The following ADAM9 variants were observed in gnomAD, a reference collection of about 807,000 sequenced individuals.
The protein encoded by ADAM9 is disintegrin and metalloproteinase domain-containing protein 9.
Under a neutral mutation model 108.1 loss-of-function variants are expected in ADAM9, and 54 were observed. That is an observed-to-expected ratio of 0.50 (90% CI 0.40 to 0.63). The LOEUF (loss-of-function observed/expected upper bound fraction) is 0.63, where lower values mean the gene tolerates loss of function less well. Among genes scored for constraint, ADAM9 ranks in the 20% least tolerant of loss-of-function variants. The probability of loss-of-function intolerance (pLI) is 0.00; values close to 1 mark genes in which losing one functional copy is unlikely to be tolerated. For synonymous variants in ADAM9, 316 were observed against 336.0 expected, an observed-to-expected ratio of 0.94 and a Z score of 0.65; for missense variants, 830 against 997.7, an observed-to-expected ratio of 0.83 and a Z score of 2.26.
At chr8:39,081,752 T>C (rs1384363786) in intron 16 of ADAM9, among the ~76,000 whole-genome samples, 2 of 152,218 alleles carry the variant, frequency 1.3e-5, no homozygotes, top group African/African-American at 4.8e-5. Context: ...TGTAGGTTTG[T>C]TCTCTAATTG....
chr8:39,036,228 C>T (rs1457160154), intron 11 of ADAM9, among the ~76,000 whole-genome samples: 1 of 152,130 alleles, frequency 6.6e-6, no homozygotes, highest in Non-Finnish European at 1.5e-5. Context: ...GTGAGTTGCT[C>T]TTCCTGGGAG....
chr8:39,044,514 T>C (rs774357252), intron 12 of ADAM9, among the ~76,000 whole-genome samples: 3 of 152,304 alleles, frequency 2.0e-5, no homozygotes, highest in South Asian at 4.1e-4. Flanking sequence ...TATTGTATCC[T>C]GGTGGGGATT....
chr8:39,105,211 T>G lies in ADAM9; in HGVS notation c.*1511T>G. ...AAATTTCAGTTTTCTGAAGACAGCA[T>G]GTTATTTTAACAATCAAGTATACAT... On this transcript the variant is annotated 3_prime_UTR_variant, in exon 22 of 22. Coordinates refer to ENST00000487273, the MANE Select transcript of ADAM9 (RefSeq NM_003816.3). 1 of 442,348 alleles carries G rather than the reference T, an allele frequency of 2.3e-6. No homozygotes were observed. Among genetic ancestry groups the G allele is most frequent in the Non-Finnish European group, 4.5e-6 (1 of 223,376 alleles). The allele number at this position is 442,348 out of a possible 1,614,324, so 27.4% of individuals were successfully genotyped here. A position where few individuals can be genotyped will look rare whatever the true frequency, so the allele number is the denominator to read the frequency against.
chr8:39,022,093 TGTGTGA>T (rs1457102107), intron 8 of ADAM9, among the ~76,000 whole-genome samples: 29 of 150,476 alleles, frequency 1.9e-4, no homozygotes, highest in African/African-American at 7.0e-4. Flanking sequence ...TGTGTGTGTG[TGTGTGA>T]GAGAGAGAGA....
At chr8:39,009,754 C>T (rs1418235789) in intron 2 of ADAM9, among the ~76,000 whole-genome samples, 2 of 152,048 alleles carry the variant, frequency 1.3e-5, no homozygotes, top group African/African-American at 2.4e-5. Context: ...GTAATTAACT[C>T]GTTAAAAAGT....
intron 14 of ADAM9, among the ~76,000 whole-genome samples, chr8:39,057,263 T>G (rs962185562): frequency 1.3e-5 from 2 of 151,682 alleles, no homozygotes; most frequent in Admixed American, 6.6e-5. Context: ...ATCATATCCC[T>G]GTTGTTAAGT....
chr8:39,024,469 C>T (rs1836857737), intron 9 of ADAM9, among the ~76,000 whole-genome samples: 1 of 152,084 alleles, frequency 6.6e-6, no homozygotes, highest in Non-Finnish European at 1.5e-5. Context: ...TGTTTGTTTA[C>T]AGTTGAGAAT....
chr8:39,069,839 CTG>C (rs1281379354), intron 14 of ADAM9, among the ~76,000 whole-genome samples: 9 of 152,180 alleles, frequency 5.9e-5, no homozygotes, highest in Non-Finnish European at 1.2e-4. Flanking sequence ...GGATAAGTAA[CTG>C]TTGAAAATTT....
In ADAM9 at chr8:39,071,306, G is replaced by T; in HGVS notation, c.1600G>T (p.Ala534Ser). Residue 534 changes from alanine (A) to serine (S), a missense_variant, in exon 15 of 22, where the codon GCT becomes TCT. This residue lies in a region of ADAM9 where 381 missense variants were observed against 539.8 expected (regional missense o/e 0.71). Coordinates refer to ENST00000487273, the MANE Select transcript of ADAM9 (RefSeq NM_003816.3). ...AATGTTTAATGTTACAGAAGCCAAG[G>T]CTGCCCCCAAAGATTGTTTCATTGA... ...CQVIFGSKAK[A>S]APKDCFIEVN... 6.2e-7 allele frequency: 1 copy of T among 1,613,884 alleles called. No homozygotes were observed. The highest frequency in any genetic ancestry group is 8.5e-7 in the Non-Finnish European group (1 of 1,179,956).
chr8:39,065,620 A>G lies in ADAM9; in HGVS notation c.1592-5678A>G, dbSNP rs141063101. Among the ~76,000 whole-genome samples, 1,292 of 132,562 alleles carry G rather than the reference A, an allele frequency of 9.7e-3. 14 individuals carry two copies. Among genetic ancestry groups the G allele is most frequent in the African/African-American group, 0.034 (1,222 of 35,574 alleles). 87.0% of individuals were successfully genotyped at this position (132,562 alleles called of 152,430 possible). A position where few individuals can be genotyped will look rare whatever the true frequency, so the allele number is the denominator to read the frequency against. ...GCTTGCAGTGAGCCGAGATCGCACCATTGCACTCGAGTCTGGGCGACAGTG... is the reference window on the plus strand; with the variant it reads ...GCTTGCAGTGAGCCGAGATCGCACCGTTGCACTCGAGTCTGGGCGACAGTG... On this transcript the variant is annotated intron_variant, in intron 14 of 21. Coordinates refer to ENST00000487273, the MANE Select transcript of ADAM9 (RefSeq NM_003816.3).
At position 39,054,465 on chromosome 8, in the gene ADAM9, C is replaced by A. The variant is rs1389692994; in HGVS notation, c.1303-16C>A. 2 of 1,604,696 alleles carry A rather than the reference C, an allele frequency of 1.2e-6. No individual in the cohort carries two copies. The highest frequency in any genetic ancestry group is 1.1e-5 in the South Asian group (1 of 90,876). The stretch of plus-strand genomic sequence containing the variant: ...AATTACTAATTTCTTTATTGACAGT[C>A]ATTTTATGTTCACAGGAATGTGAAT... On this transcript the variant is annotated splice_polypyrimidine_tract_variant and intron_variant, in intron 12 of 21. Coordinates refer to ENST00000487273, the MANE Select transcript of ADAM9 (RefSeq NM_003816.3).
chr8:39,076,048 A>G lies in ADAM9; in HGVS notation c.1698-1180A>G, dbSNP rs189397966. 3.9e-5 allele frequency: 6 copies of G among 152,374 alleles called. 2 individuals carry two copies. The highest frequency in any genetic ancestry group is 3.9e-4 in the Admixed American group (6 of 15,304). 9.4% of individuals were successfully genotyped at this position (152,374 alleles called of 1,614,324 possible). On this transcript the variant is annotated intron_variant, in intron 15 of 21. Transcript: ENST00000487273. ...TTTAGTGATATATTCAAGGACATCA[A>G]TAATATAATGTAGTTATAAAAGCTA...
At chr8:39,086,230 G>T (rs1564370635) in intron 18 of ADAM9, among the ~76,000 whole-genome samples, 2 of 152,116 alleles carry the variant, frequency 1.3e-5, no homozygotes, top group Admixed American at 6.5e-5. Flanking sequence ...GGCCAGGCTG[G>T]TCTCAAAGTC....
chr8:39,018,982 A>G (rs1293841803), intron 7 of ADAM9, 64 bp downstream of exon 7: 1 of 1,400,702 alleles, frequency 7.1e-7, no homozygotes, highest in Admixed American at 1.7e-5. Context: ...GCATTTAATG[A>G]AGGAAATCTA....
intron 11 of ADAM9, among the ~76,000 whole-genome samples, chr8:39,032,439 AGTGAGCAAAGCTCTGTGG>A (rs1359071809): frequency 1.1e-4 from 16 of 152,244 alleles, no homozygotes; most frequent in African/African-American, 3.9e-4. Context: ...CTGCCCTAGC[AGTGAGCAAAGCTCTGTGG>A]GCGTAGGACC....
At chr8:39,062,992 A>G (rs901892081) in intron 14 of ADAM9, among the ~76,000 whole-genome samples, 3 of 152,166 alleles carry the variant, frequency 2.0e-5, no homozygotes, top group South Asian at 2.1e-4. Flanking sequence ...CAGCCAACCA[A>G]CCGAACAAAC....
At chr8:39,068,190 G>A (rs548297893) in intron 14 of ADAM9, among the ~76,000 whole-genome samples, 1 of 152,276 alleles carries the variant, frequency 6.6e-6, no homozygotes, top group East Asian at 1.9e-4. Flanking sequence ...TCCAAAGGAG[G>A]GGAATAAGAA....
intron 14 of ADAM9, among the ~76,000 whole-genome samples, 172 bp downstream of exon 14, chr8:39,055,944 C>G (rs934565165): frequency 6.6e-6 from 1 of 152,054 alleles, no homozygotes; most frequent in Admixed American, 6.6e-5. Context: ...TGCACAGATT[C>G]AGTTGATGTT....
chr8:39,086,451 A>G (rs1381993415), intron 18 of ADAM9, among the ~76,000 whole-genome samples: 2 of 152,126 alleles, frequency 1.3e-5, no homozygotes, highest in Admixed American at 6.5e-5. Context: ...CATTTTAGAC[A>G]TTGTAGTTTT....
Sources: allele counts gnomAD v4.1 joint callset (sites outside exome capture counted in the v4.1 genomes callset), GRCh38; gene constraint gnomAD v4.1.1; regional missense constraint gnomAD v4.1.1; transcripts MANE v1.5; gene names NCBI Gene and HGNC (gene_info 2026-07-23, HGNC 2026-07-21).